Variants in RNF216 observed in about 807,000 individuals in gnomAD.
RNF216 encodes ring finger protein 216.
RNF216 carries 72 observed loss-of-function variants against 110.8 expected under a neutral mutation model. The observed-to-expected ratio is 0.65, with a 90% CI of 0.54 to 0.79. The LOEUF is 0.79. RNF216 is among the 30% of genes least tolerant of loss of function. The pLI is 0.00. For missense variants in RNF216, 1,342 were observed against 1,141.2 expected (o/e 1.18, Z -2.54); for synonymous variants, 495 against 407.5 (o/e 1.21, Z -2.59).
intron 1 of RNF216, among the ~76,000 whole-genome samples, chr7:5,772,202 C>T (rs1247208325): frequency 1.3e-5 from 2 of 152,182 alleles, no homozygotes; most frequent in African/African-American, 4.8e-5. Context: ...CATTGCACTC[C>T]AGCCTGGGCA....
chr7:5,647,296 G>A (rs1788107442), intron 14 of RNF216, among the ~76,000 whole-genome samples: 1 of 147,584 alleles, frequency 6.8e-6, no homozygotes, highest in Admixed American at 6.8e-5. Flanking sequence ...GACTTGCCAT[G>A]TCCACATCTG....
In RNF216 at chr7:5,660,947, T is replaced by TG. The variant is rs1297417150; in HGVS notation, c.2062-8438_2062-8437insC. Among the ~76,000 whole-genome samples the TG allele has an allele frequency of 6.7e-5, 9 of 133,754 alleles. 1 individual carries two copies. Among genetic ancestry groups the TG allele is most frequent in the African/African-American group, 2.7e-4 (9 of 33,614 alleles). 87.7% of individuals were successfully genotyped at this position (133,754 alleles called of 152,430 possible). ...TCCATGCTCCTGAAGCCTTAGGTTTTTTTTTTTTTTTTTTTTTTTTTGAAA... is the reference window on the plus strand; with the variant it reads ...TCCATGCTCCTGAAGCCTTAGGTTTTGTTTTTTTTTTTTTTTTTTTTTGAAA... On this transcript the variant is annotated intron_variant, in intron 13 of 16. Transcript: ENST00000389902.
At chr7:5,768,579 G>C (rs1199422027) in intron 1 of RNF216, among the ~76,000 whole-genome samples, 2 of 151,970 alleles carry the variant, frequency 1.3e-5, no homozygotes, top group Admixed American at 1.3e-4. Flanking sequence ...AAATTTTGAA[G>C]GCTTGAAATC....
chr7:5,735,239 C>T (rs764582620), intron 5 of RNF216, among the ~76,000 whole-genome samples: 7 of 152,118 alleles, frequency 4.6e-5, no homozygotes, highest in Non-Finnish European at 1.0e-4. Context: ...CCCTTGGGGA[C>T]TTGAAAGAAG....
intron 10 of RNF216, among the ~76,000 whole-genome samples, 173 bp downstream of exon 10, chr7:5,716,543 A>G (rs1584502479): frequency 6.6e-6 from 1 of 152,056 alleles, no homozygotes; most frequent in African/African-American, 2.4e-5. Context: ...TCAGTGTGGT[A>G]TAAGAGTGAC....
chr7:5,690,397 C>T (rs774052617), intron 13 of RNF216, among the ~76,000 whole-genome samples: 4 of 151,768 alleles, frequency 2.6e-5, no homozygotes, highest in Admixed American at 6.6e-5. Context: ...GTTAGCAATG[C>T]TCAGAAGCTA....
rs1786472327 is a variant in RNF216, at chr7:5,622,961, G to A, written c.2671C>T (p.Leu891=). 2 of 1,614,138 alleles carry A rather than the reference G, an allele frequency of 1.2e-6. No homozygotes were observed. The highest frequency in any genetic ancestry group is 2.2e-5 in the South Asian group (2 of 91,088). Residue 891 remains leucine (L), a synonymous_variant, in exon 17 of 17, where the codon CTG becomes TTG. Coordinates refer to ENST00000389902, the MANE Select transcript of RNF216 (RefSeq NM_207111.4). ...TCATAGTTGACCCGCACGTTGGGCA[G>A]AGGGGGCACGTACGGGGCTGGGATA... ...GPIPAPYVPP[L]PNVRVNYDFG...
intron 5 of RNF216, among the ~76,000 whole-genome samples, chr7:5,733,999 AT>A (rs1794243529): frequency 6.6e-6 from 1 of 152,238 alleles, no homozygotes; most frequent in Admixed American, 6.5e-5. Flanking sequence ...ATTTAAAAAA[AT>A]GTAGTTATTA....
At chr7:5,687,371 G>A (rs1475609251) in intron 13 of RNF216, among the ~76,000 whole-genome samples, 1 of 119,070 alleles carries the variant, frequency 8.4e-6, no homozygotes, top group Admixed American at 9.7e-5. Context: ...TCCATCCTGG[G>A]CAACAAGAGT....
At chr7:5,774,519 C>T (rs1013927405) in intron 1 of RNF216, among the ~76,000 whole-genome samples, 2 of 152,128 alleles carry the variant, frequency 1.3e-5, no homozygotes, top group Non-Finnish European at 2.9e-5. Context: ...TAGCACAGTG[C>T]CTGATATATA....
At position 5,696,780 on chromosome 7, in the gene RNF216, G is replaced by A. The variant is rs1053207047; in HGVS notation, c.2061+14981C>T. Among the ~76,000 whole-genome samples, 13 of 152,276 alleles carry A rather than the reference G, an allele frequency of 8.5e-5. No homozygotes were observed. The highest frequency in any genetic ancestry group is 2.1e-4 in the South Asian group (1 of 4,822). On this transcript the variant is annotated intron_variant, in intron 13 of 16. Coordinates refer to ENST00000389902, the MANE Select transcript of RNF216 (RefSeq NM_207111.4). This position sits in a 1 kb window ranked among gnomAD's most constrained non-coding sequence, Gnocchi z 5.4. ...CAAATACCTGCAACATTGTACGAAC[G>A]GGCTCTGGGAGGGCTGTAGGAGGAC...
intron 3 of RNF216, among the ~76,000 whole-genome samples, chr7:5,750,111 T>C (rs574525528): frequency 3.1e-4 from 47 of 152,358 alleles, no homozygotes; most frequent in African/African-American, 1.1e-3. Context: ...TATCTGTCCT[T>C]TTAATAAAAG....
intron 3 of RNF216, among the ~76,000 whole-genome samples, chr7:5,747,522 T>G (rs950413508): frequency 2.0e-5 from 3 of 152,192 alleles, no homozygotes; most frequent in Non-Finnish European, 4.4e-5. Flanking sequence ...TCTACGGTGT[T>G]ATCTGAAAGC....
At chr7:5,752,818 T>C (rs759008343) in intron 3 of RNF216, 28 bp downstream of exon 3, 1 of 1,604,236 alleles carries the variant, frequency 6.2e-7, no homozygotes, top group South Asian at 1.1e-5. Flanking sequence ...TGCAATAATG[T>C]CTCATTGTAA....
chr7:5,660,905 C>G, intron 13 of RNF216, among the ~76,000 whole-genome samples: 1 of 142,198 alleles, frequency 7.0e-6, no homozygotes, highest in African/African-American at 2.7e-5. Flanking sequence ...AAAACTCCTG[C>G]TTTTCACAGT....
Position 5,712,727 on chromosome 7 carries a change from T to C in RNF216, c.1970A>G (p.Asp657Gly). The change falls in exon 12 of 17, where the codon GAC becomes GGC. Residue 657 changes from aspartate to glycine, a missense_variant. Coordinates refer to ENST00000389902, the MANE Select transcript of RNF216 (RefSeq NM_207111.4). ...CCTGAGAACGAACCTGACAAGCTCG[T>C]CGGCGTAGGCTGCCGCAACCTCCTC... ...AEEEVAAAYA[D>G]ELVRCPSCSF... The C allele has an allele frequency of 1.2e-6, 2 of 1,614,086 alleles. No individual in the cohort carries two copies. The highest frequency in any genetic ancestry group is 2.2e-5 in the East Asian group (1 of 44,862).
At chr7:5,752,762 C>T in intron 3 of RNF216, 84 bp downstream of exon 3, 1 of 1,434,138 alleles carries the variant, frequency 7.0e-7, no homozygotes, top group Non-Finnish European at 9.6e-7. Context: ...AGGTGCTGTT[C>T]TACAACAAGG....
At chr7:5,662,751 G>A (rs906799157) in intron 13 of RNF216, among the ~76,000 whole-genome samples, 6 of 152,140 alleles carry the variant, frequency 3.9e-5, no homozygotes, top group Non-Finnish European at 5.9e-5. Flanking sequence ...GAGGAAGATG[G>A]TGAGTACCTC....
intron 13 of RNF216, among the ~76,000 whole-genome samples, chr7:5,682,910 T>C (rs1199133878): frequency 1.3e-5 from 2 of 152,158 alleles, no homozygotes; most frequent in African/African-American, 2.4e-5. Flanking sequence ...ATTGCGTTAA[T>C]GTAGCATCAA....
Sources: gnomAD v4.1 joint callset for allele counts (sites outside exome capture counted in the v4.1 genomes callset) on GRCh38, gnomAD v4.1.1 for gene constraint, Gnocchi (gnomAD v3.1) non-coding constraint, MANE v1.5 for transcripts, NCBI Gene and HGNC (gene_info 2026-07-23, HGNC 2026-07-21) for gene names.